ZPBP: variants seen among roughly 807,000 people sequenced by gnomAD.
The protein encoded by ZPBP is zona pellucida-binding protein 1.
Under a neutral mutation model 44.8 loss-of-function variants are expected in ZPBP, and 26 were observed. The observed-to-expected ratio is 0.58, with a 90% CI of 0.43 to 0.81. The LOEUF (loss-of-function observed/expected upper bound fraction) is 0.81, where lower values mean the gene tolerates loss of function less well. Ranked by LOEUF, ZPBP falls within the 30% of genes least tolerant of loss-of-function variation. The pLI, the probability that ZPBP is intolerant of heterozygous loss-of-function variation, is 0.00. For synonymous variants in ZPBP, 174 were observed against 153.2 expected, an observed-to-expected ratio of 1.14 and a Z score of -1.00; for missense variants, 409 against 434.0, an observed-to-expected ratio of 0.94 and a Z score of 0.51.
chr7:50,012,910 ACT>A (rs1798654389), intron 6 of ZPBP, among the ~76,000 whole-genome samples: 1 of 151,670 alleles, frequency 6.6e-6, no homozygotes, highest in African/African-American at 2.4e-5. Flanking sequence ...CTGTAAAAAA[ACT>A]CTATAATTAA....
rs953387502 is a variant in ZPBP at position 50,089,665 on chromosome 7, C to T, written c.172G>A (p.Asp58Asn). 1 of 1,611,500 alleles carries T rather than the reference C, an allele frequency of 6.2e-7. No individual in the cohort carries two copies. Among genetic ancestry groups the T allele is most frequent in the African/African-American group, 1.3e-5 (1 of 74,840 alleles). The part of the protein sequence containing the change: ...RLPRAFRLTK[D>N]SVKIVGSTSF... ...GTTGATCCCACTATTTTCACTGAAT[C>T]TTTGGTCAAGCGAAAAGCTCTTGGT... Residue 58 changes from aspartate (D) to asparagine (N), a missense_variant, in exon 2 of 8, where the codon GAT (aspartate) becomes AAT (asparagine). Physicochemically the swap from Asp to Asn is conservative, Grantham distance 23. Transcript: ENST00000046087.
intron 3 of ZPBP, among the ~76,000 whole-genome samples, chr7:50,074,427 A>C (rs557321913): frequency 1.9e-3 from 284 of 152,112 alleles, no homozygotes; most frequent in African/African-American, 6.4e-3. Flanking sequence ...CTTACTTATA[A>C]ATAATAACAT....
chr7:49,967,865 A>G (rs781592540), intron 7 of ZPBP, among the ~76,000 whole-genome samples: 2 of 152,128 alleles, frequency 1.3e-5, no homozygotes, highest in Non-Finnish European at 2.9e-5. Context: ...GCACAGTGTG[A>G]GTATATTTTG....
At chr7:49,908,764 T>A (rs1180274136) in intron 1 of ZPBP, among the ~76,000 whole-genome samples, 2 of 152,138 alleles carry the variant, frequency 1.3e-5, no homozygotes, top group African/African-American at 4.8e-5. Flanking sequence ...AAGCTTTTAG[T>A]GATTAAAGGA....
chr7:49,850,783 T>C (rs1790143908), intron 2 of ZPBP, among the ~76,000 whole-genome samples: 1 of 152,202 alleles, frequency 6.6e-6, no homozygotes, highest in Non-Finnish European at 1.5e-5. Flanking sequence ...AGTTACATCA[T>C]GGGTACAGTG....
At chr7:50,040,679 C>A (rs1488391895) in intron 4 of ZPBP, among the ~76,000 whole-genome samples, 1 of 152,192 alleles carries the variant, frequency 6.6e-6, no homozygotes, top group Non-Finnish European at 1.5e-5. Flanking sequence ...GAGATTCCCT[C>A]AGGTACCTAC....
intron 5 of ZPBP, among the ~76,000 whole-genome samples, chr7:50,018,683 G>A (rs996306358): frequency 6.6e-6 from 1 of 151,850 alleles, no homozygotes; most frequent in Non-Finnish European, 1.5e-5. Flanking sequence ...AATATACTGT[G>A]TGTCATTTAA....
At chr7:49,998,971 T>C (rs1046055607) in intron 6 of ZPBP, among the ~76,000 whole-genome samples, 1 of 152,030 alleles carries the variant, frequency 6.6e-6, no homozygotes, top group Non-Finnish European at 1.5e-5. Context: ...TGGTTCAAAA[T>C]CCAAAATTTT....
intron 7 of ZPBP, among the ~76,000 whole-genome samples, chr7:49,952,610 A>G (rs899128326): frequency 6.6e-6 from 1 of 152,038 alleles, no homozygotes; most frequent in South Asian, 2.1e-4. Context: ...GGATCTATAT[A>G]ACTAGAAGCT....
intron 3 of ZPBP, among the ~76,000 whole-genome samples, chr7:50,077,998 A>G (rs1421741391): frequency 6.6e-6 from 1 of 151,938 alleles, no homozygotes; most frequent in African/African-American, 2.4e-5. Context: ...CTACATGTCC[A>G]TCAGCAGATG....
At chr7:50,057,741 C>G (rs1436933493) in intron 4 of ZPBP, among the ~76,000 whole-genome samples, 1 of 152,098 alleles carries the variant, frequency 6.6e-6, no homozygotes, top group Non-Finnish European at 1.5e-5. Context: ...TTATACATCC[C>G]TGGCCCTAAA....
chr7:50,025,332 C>T (rs529150158), intron 5 of ZPBP, among the ~76,000 whole-genome samples: 27 of 151,860 alleles, frequency 1.8e-4, no homozygotes, highest in Non-Finnish European at 3.2e-4. Flanking sequence ...AGAGCCAACA[C>T]ATTATTAAAG....
chr7:49,905,886 T>G (rs1793059960), intron 1 of ZPBP, among the ~76,000 whole-genome samples: 1 of 152,144 alleles, frequency 6.6e-6, no homozygotes, highest in South Asian at 2.1e-4. Context: ...TGACCTCTAG[T>G]CATCCTCACT....
intron 7 of ZPBP, among the ~76,000 whole-genome samples, chr7:49,983,090 TTG>T: frequency 6.6e-6 from 1 of 152,116 alleles, no homozygotes; most frequent in African/African-American, 2.4e-5. Context: ...TAACTATTAT[TTG>T]TGTTTCCTCC....
At chr7:50,032,942 G>GT (rs770384020) in intron 4 of ZPBP, among the ~76,000 whole-genome samples, 4 of 152,254 alleles carry the variant, frequency 2.6e-5, no homozygotes, top group Non-Finnish European at 5.9e-5. Flanking sequence ...AAGAATTTGA[G>GT]TAACTCCAAT....
At chr7:49,892,559 C>G (rs1017871317) in intron 2 of ZPBP, among the ~76,000 whole-genome samples, 1 of 152,144 alleles carries the variant, frequency 6.6e-6, no homozygotes, top group African/African-American at 2.4e-5. Context: ...GAGGGGGCTT[C>G]CCAGGCCCTG....
At chr7:50,034,655 A>G (rs1799747951) in intron 4 of ZPBP, among the ~76,000 whole-genome samples, 1 of 152,192 alleles carries the variant, frequency 6.6e-6, no homozygotes, top group South Asian at 2.1e-4. Flanking sequence ...ATTTGAAAAA[A>G]AAAACTCACC....
At chr7:49,903,281 T>G (rs978891809) in intron 1 of ZPBP, among the ~76,000 whole-genome samples, 19 of 152,292 alleles carry the variant, frequency 1.2e-4, no homozygotes, top group African/African-American at 4.6e-4. Context: ...GGAGAAAGAC[T>G]ATGTTCACAG....
chr7:50,088,289 G>C (rs1802774981), intron 2 of ZPBP, among the ~76,000 whole-genome samples: 1 of 151,958 alleles, frequency 6.6e-6, no homozygotes. Context: ...AAATAGATCA[G>C]AGGCCTAAAT....
Sources: allele counts gnomAD v4.1 joint callset (sites outside exome capture counted in the v4.1 genomes callset), GRCh38; gene constraint gnomAD v4.1.1; transcripts MANE v1.5; gene names NCBI Gene and HGNC (gene_info 2026-07-23, HGNC 2026-07-21).